The following DPYS variants were observed in gnomAD, a reference collection of about 807,000 sequenced individuals.
DPYS encodes the protein dihydropyrimidinase.
A neutral mutation model predicts 50.3 loss-of-function variants in DPYS; 39 were observed. The ratio of observed to expected loss-of-function variants is 0.78; its 90% CI spans 0.60 to 1.01. The LOEUF is 1.01. Among genes scored for constraint, DPYS ranks in the 50% least tolerant of loss-of-function variants. DPYS has a pLI of 0.00. For synonymous variants in DPYS, 245 were observed against 250.7 expected, an observed-to-expected ratio of 0.98 and a Z score of 0.22; for missense variants, 659 against 680.9, an observed-to-expected ratio of 0.97 and a Z score of 0.36.
At chr8:104,448,973 G>T (rs1024015181) in intron 2 of DPYS, among the ~76,000 whole-genome samples, 4 of 152,152 alleles carry the variant, frequency 2.6e-5, no homozygotes, top group African/African-American at 9.7e-5. Context: ...GGCCTTGTAA[G>T]GCTTGTCCAC....
chr8:104,455,596 A>C (rs538900105), intron 1 of DPYS, among the ~76,000 whole-genome samples: 2 of 152,276 alleles, frequency 1.3e-5, no homozygotes, highest in Non-Finnish European at 2.9e-5. Flanking sequence ...AGACATACAG[A>C]CCTGTTTCCA....
intron 7 of DPYS, among the ~76,000 whole-genome samples, chr8:104,401,987 G>A (rs377475268): frequency 9.9e-5 from 15 of 152,150 alleles, no homozygotes; most frequent in Non-Finnish European, 2.1e-4. Flanking sequence ...GAACTCTACC[G>A]GTGCTCAGTA....
intron 7 of DPYS, among the ~76,000 whole-genome samples, chr8:104,399,775 A>G (rs1811726658): frequency 7.0e-6 from 1 of 142,428 alleles, no homozygotes; most frequent in South Asian, 2.3e-4. Context: ...AGGCTGAGGC[A>G]GGAGAATGGC....
At position 104,451,004 on chromosome 8, in the gene DPYS, T is replaced by C. The variant is rs182637202; in HGVS notation, c.423+242A>G. 2.1e-3 allele frequency among the ~76,000 whole-genome samples: 313 copies of C among 152,368 alleles called. 1 individual carries two copies. Among genetic ancestry groups the C allele is most frequent in the African/African-American group, 7.1e-3 (294 of 41,584 alleles). The stretch of plus-strand genomic sequence containing the variant: ...GATTAAATATTAGGAGAAGCTGTTA[T>C]GAATGAGCATAAAAGATTTATCCTA... On this transcript the variant is annotated intron_variant, in intron 2 of 9. Transcript: ENST00000351513.
At chr8:104,450,527 A>G (rs954178688) in intron 2 of DPYS, among the ~76,000 whole-genome samples, 1 of 152,240 alleles carries the variant, frequency 6.6e-6, no homozygotes, top group African/African-American at 2.4e-5. Flanking sequence ...CAAAATTCAC[A>G]CACACATTTA....
intron 3 of DPYS, among the ~76,000 whole-genome samples, chr8:104,445,620 G>C (rs1168555570): frequency 6.6e-6 from 1 of 152,130 alleles, no homozygotes; most frequent in African/African-American, 2.4e-5. Context: ...CTAGAGGCTG[G>C]GAAGGTTAGT....
Position 104,458,592 on chromosome 8 carries a change from A to G in DPYS, c.265-7188T>C, listed in dbSNP as rs367780514. ...GCCCATTACAGTACCTGGCACATGA[A>G]TATTCTCTAAATGTTTGAAGGGGAA... On this transcript the variant is annotated intron_variant, in intron 1 of 9. Transcript: ENST00000351513. Among the ~76,000 whole-genome samples the G allele has an allele frequency of 1.8e-4, 27 of 152,340 alleles. No individual in the cohort carries two copies. In the East Asian group the frequency reaches 4.0e-3, roughly 23 times the overall value.
chr8:104,403,431 G>C (rs1811892238), intron 7 of DPYS, among the ~76,000 whole-genome samples: 6 of 104,264 alleles, frequency 5.8e-5, no homozygotes, highest in Admixed American at 5.1e-4. Context: ...CACCATCTTG[G>C]AAGCAGCCTG....
chr8:104,418,196 T>C (rs1403290711), intron 7 of DPYS, among the ~76,000 whole-genome samples: 1 of 152,194 alleles, frequency 6.6e-6, no homozygotes, highest in Non-Finnish European at 1.5e-5. Context: ...CCTAGCTCAG[T>C]GCTCGGGCTG....
At chr8:104,392,643 C>A in intron 8 of DPYS, 141 bp downstream of exon 8, 2 of 1,048,982 alleles carry the variant, frequency 1.9e-6, no homozygotes, top group Non-Finnish European at 3.0e-6. Flanking sequence ...TCTCTAATCT[C>A]TCATATCAAT....
Position 104,466,884 on chromosome 8 carries a change from G to A in DPYS, c.37C>T (p.Arg13Cys). 2 of 1,515,786 alleles carry A rather than the reference G, an allele frequency of 1.3e-6. No homozygotes were observed. The highest frequency in any genetic ancestry group is 1.8e-6 in the Non-Finnish European group (2 of 1,138,184). 93.9% of individuals were successfully genotyped at this position (1,515,786 alleles called of 1,614,324 possible). The stretch of plus-strand genomic sequence containing the variant: ...TCCGAGAAGTCATCGTTGACCACGC[G>A]ACCCCCGCGGATCAGGAGCCGCGAG... Reference protein sequence around the residue: ...APSRLLIRGGRVVNDDFSEVA... With the variant: ...APSRLLIRGGCVVNDDFSEVA... Residue 13 changes from arginine to cysteine, a missense_variant, in exon 1 of 10, where the codon CGC (arginine) becomes TGC (cysteine). Coordinates refer to ENST00000351513, the MANE Select transcript of DPYS (RefSeq NM_001385.3).
At chr8:104,430,163 A>G (rs1812903935) in intron 4 of DPYS, among the ~76,000 whole-genome samples, 1 of 152,226 alleles carries the variant, frequency 6.6e-6, no homozygotes, top group African/African-American at 2.4e-5. Flanking sequence ...TTTATGCTTT[A>G]CTACCCTGAT....
chr8:104,422,684 T>G (rs1179844321), intron 7 of DPYS, among the ~76,000 whole-genome samples: 3 of 152,222 alleles, frequency 2.0e-5, no homozygotes, highest in Non-Finnish European at 4.4e-5. Flanking sequence ...CTTTACAGAA[T>G]AGTTTTCTCC....
chr8:104,410,146 T>C (rs949350975), intron 7 of DPYS, among the ~76,000 whole-genome samples: 7 of 152,192 alleles, frequency 4.6e-5, no homozygotes, highest in African/African-American at 1.7e-4. Flanking sequence ...CACTTCTGAC[T>C]CCTCTCTTTC....
In DPYS at chr8:104,381,195, A is replaced by T. The variant is rs1455199326; in HGVS notation, c.*3T>A. The T allele has an allele frequency of 3.7e-6, 6 of 1,613,400 alleles. No individual in the cohort carries two copies. Among genetic ancestry groups the T allele is most frequent in the Non-Finnish European group, 5.1e-6 (6 of 1,179,526 alleles). ...CTACAGTCCCTTACCGATGGCACAC[A>T]CTTCAGGGGTGGGCCTGTTTCCTGG... On this transcript the variant is annotated 3_prime_UTR_variant, in exon 9 of 10. Coordinates refer to ENST00000351513, the MANE Select transcript of DPYS (RefSeq NM_001385.3).
intron 1 of DPYS, among the ~76,000 whole-genome samples, chr8:104,462,379 T>G (rs1814202164): frequency 6.6e-6 from 1 of 152,186 alleles, no homozygotes; most frequent in Admixed American, 6.5e-5. Flanking sequence ...TAAATACAAC[T>G]AAATGTGTGG....
intron 5 of DPYS, 175 bp downstream of exon 5, chr8:104,429,370 C>T (rs2140645683): frequency 1.5e-6 from 1 of 682,520 alleles, no homozygotes; most frequent in Non-Finnish European, 2.5e-6. Flanking sequence ...CAACATATCA[C>T]AGCATAATTA....
rs563045328 is a variant in DPYS, at chr8:104,379,836, T to A, written c.*22A>T. ...GAATGGCAGCCTCCTTTCCTCTGAT[T>A]TTTTTACCTTTGAAGAGAATGAAAG... On this transcript the variant is annotated 3_prime_UTR_variant, in exon 10 of 10. Coordinates refer to ENST00000351513, the MANE Select transcript of DPYS (RefSeq NM_001385.3). 2.1e-4 allele frequency: 98 copies of A among 456,378 alleles called. No homozygotes were observed. Among genetic ancestry groups the A allele is most frequent in the Non-Finnish European group, 2.0e-4 (46 of 226,956 alleles). The allele number at this position is 456,378 out of a possible 1,614,324, so 28.3% of individuals were successfully genotyped here.
chr8:104,391,425 C>T (rs568432715), intron 8 of DPYS, among the ~76,000 whole-genome samples: 1 of 152,332 alleles, frequency 6.6e-6, no homozygotes, highest in African/African-American at 2.4e-5. Flanking sequence ...AGAAATACCT[C>T]CTAGCTAGGG....
Sources: allele counts gnomAD v4.1 joint callset (sites outside exome capture counted in the v4.1 genomes callset), GRCh38; gene constraint gnomAD v4.1.1; transcripts MANE v1.5; gene names NCBI Gene and HGNC (gene_info 2026-07-23, HGNC 2026-07-21).